The following COL2A1 variants were observed in gnomAD, a reference collection of about 807,000 sequenced individuals.
COL2A1 encodes the protein collagen type II alpha 1 chain.
COL2A1 carries 28 observed loss-of-function variants against 204.5 expected under a neutral mutation model. The observed-to-expected ratio is 0.14, with a 90% confidence interval of 0.10 to 0.19. The LOEUF is 0.19. Among genes scored for constraint, COL2A1 ranks in the 10% least tolerant of loss-of-function variants. The pLI, the probability that COL2A1 is intolerant of heterozygous loss-of-function variation, is 1.00. For missense variants in COL2A1, 1,388 were observed against 2,027.5 expected (o/e 0.68, Z 6.06); for synonymous variants, 708 against 718.7 (o/e 0.99, Z 0.24).
chr12:48,004,282 T>C lies in COL2A1; in HGVS notation c.40A>G (p.Thr14Ala). The change falls in exon 1 of 54, where the codon ACG becomes GCG. Residue 14 changes from threonine to alanine, a missense_variant. By Grantham distance (58) the Thr-to-Ala change is moderately conservative. Around this residue, in one of 3 missense-constraint regions of COL2A1, gnomAD observed 201 missense variants for 242.4 expected, o/e 0.83. Transcript: ENST00000380518. Reference protein sequence around the residue: ...LGAPQTLVLLTLLVAAVLRCQ... With the variant: ...LGAPQTLVLLALLVAAVLRCQ... ...CGAAGGACAGCGGCGACGAGCAGCG[T>C]CAGCAGCACCAGCGTCTGGGGAGCC... The C allele has an allele frequency of 6.5e-7, 1 of 1,550,336 alleles. No homozygotes were observed. The highest frequency in any genetic ancestry group is 8.7e-7 in the Non-Finnish European group (1 of 1,146,492).
At chr12:47,977,984 C>G in intron 44 of COL2A1, 26 bp downstream of exon 44, 1 of 1,601,122 alleles carries the variant, frequency 6.2e-7, no homozygotes, top group South Asian at 1.1e-5. Context: ...CCAATCAGGG[C>G]CACCCCAGGG....
intron 11 of COL2A1, 70 bp from the exon 12 acceptor site, chr12:47,994,547 G>A: frequency 3.2e-6 from 5 of 1,539,692 alleles, no homozygotes; most frequent in Non-Finnish European, 4.5e-6. Flanking sequence ...ACCCCAGAGG[G>A]CTTCCCTCCT....
At chr12:47,997,735 T>C (rs1403210467) in intron 6 of COL2A1, 28 bp from the exon 7 acceptor site, 1 of 1,614,058 alleles carries the variant, frequency 6.2e-7, no homozygotes, top group Non-Finnish European at 8.5e-7. Context: ...AAGGCATCAA[T>C]GGGAAGCAGT....
At chr12:47,995,601 G>T in intron 10 of COL2A1, 109 bp downstream of exon 10, 1 of 1,160,522 alleles carries the variant, frequency 8.6e-7, no homozygotes, top group South Asian at 1.2e-5. Flanking sequence ...TGGGGCCACC[G>T]ACTGTGGGAA....
At position 47,995,305 on chromosome 12, in the gene COL2A1, G is replaced by A; in HGVS notation, c.712C>T (p.Pro238Ser). 1.2e-6 allele frequency: 2 copies of A among 1,613,378 alleles called. No individual in the cohort carries two copies. The highest frequency in any genetic ancestry group is 2.2e-5 in the South Asian group (2 of 91,050). Residue 238 changes from proline to serine, a missense_variant, in exon 11 of 54, where the codon CCC (proline) becomes TCC (serine). Pro to Ser is a moderately conservative substitution (Grantham distance 74). Around this residue, in one of 3 missense-constraint regions of COL2A1, gnomAD observed 884 missense variants for 1,415.8 expected, o/e 0.62. Coordinates refer to ENST00000380518, the MANE Select transcript of COL2A1 (RefSeq NM_001844.5). ...GEPGEPGVSG[P>S]MGPRGPPGPP... ...CCAGGAGGACCACGGGGACCCATGG[G>A]ACCCTACAAACAAAGGAAGATAGTT...
At chr12:47,981,991 C>T (rs554798783) in intron 35 of COL2A1, 116 bp downstream of exon 35, 243 of 1,318,296 alleles carry the variant, frequency 1.8e-4, no homozygotes, top group Non-Finnish European at 2.5e-4. Flanking sequence ...TGCCCAGCCC[C>T]GACAGAGACA....
chr12:47,986,052 A>C, intron 23 of COL2A1, 87 bp from the exon 24 acceptor site: 1 of 1,299,320 alleles, frequency 7.7e-7, no homozygotes, highest in Non-Finnish European at 1.1e-6. Flanking sequence ...TAACCCACCA[A>C]CCCCAATTTC....
chr12:47,973,403 G>C lies in COL2A1; in HGVS notation c.*4C>G, dbSNP rs41272773. ...CGGATTGTGTTGTTTCTGGGTTCAGGTTTTTACAAGAAGCAGACCGGCCCT... is the reference window on the plus strand; with the variant it reads ...CGGATTGTGTTGTTTCTGGGTTCAGCTTTTTACAAGAAGCAGACCGGCCCT... On this transcript the variant is annotated 3_prime_UTR_variant, in exon 54 of 54. Transcript: ENST00000380518. The C allele has an allele frequency of 6.2e-7, 1 of 1,614,062 alleles. No individual in the cohort carries two copies. The highest frequency in any genetic ancestry group is 8.5e-7 in the Non-Finnish European group (1 of 1,180,024).
intron 16 of COL2A1, 110 bp from the exon 17 acceptor site, chr12:47,989,915 A>G: frequency 9.5e-7 from 1 of 1,053,844 alleles, no homozygotes; most frequent in Non-Finnish European, 1.5e-6. Flanking sequence ...GGGGTGTCCC[A>G]GGGCAGAGCA....
In COL2A1 at chr12:47,978,786, GACTCATCTCACC is replaced by G; in HGVS notation, c.2734-40_2734-29del. ...AGAAGGAGAAAATGCGGGAAGTGAG[GACTCATCTCACC>G]CTTCCTCATCCAGGCTGCCAAAGTC... On this transcript the variant is annotated intron_variant, in intron 41 of 53. Transcript: ENST00000380518. This position sits in a 1 kb window ranked among gnomAD's most constrained non-coding sequence, Gnocchi z 5.5. 6.2e-7 allele frequency: 1 copy of G among 1,608,574 alleles called. No individual in the cohort carries two copies. The highest frequency in any genetic ancestry group is 8.5e-7 in the Non-Finnish European group (1 of 1,179,312).
chr12:47,973,054 G>A lies in COL2A1; in HGVS notation c.*353C>T, dbSNP rs1938512797. 2 of 587,804 alleles carry A rather than the reference G, an allele frequency of 3.4e-6. No homozygotes were observed. Among genetic ancestry groups the A allele is most frequent in the East Asian group, 2.8e-5 (1 of 36,248 alleles). 36.4% of individuals were successfully genotyped at this position (587,804 alleles called of 1,614,324 possible). A position where few individuals can be genotyped will look rare whatever the true frequency, so the allele number is the denominator to read the frequency against. ...TGACACAGAATAGCACCATTGTGTA[G>A]GACACACACAGTTCCTGCGCCCGGC... On this transcript the variant is annotated 3_prime_UTR_variant, in exon 54 of 54. Transcript: ENST00000380518.
rs1555167309 is a variant in COL2A1, at chr12:47,986,547, C to CT, written c.1420-105dup. 2,001 of 667,308 alleles carry CT rather than the reference C, an allele frequency of 3.0e-3. 24 individuals are homozygous for CT. In the African/African-American group the frequency reaches 0.031, roughly 10 times the overall value. The allele number at this position is 667,308 out of a possible 1,614,324, so 41.3% of individuals were successfully genotyped here. On this transcript the variant is annotated intron_variant, in intron 22 of 53. Transcript: ENST00000380518. ...AGTAGCCTTGGCAACTGTTTCAGGG[C>CT]TGGGGGGGGGCTTGAGGACGAGAGG... is the stretch of plus-strand genomic sequence containing the variant.
intron 16 of COL2A1, among the ~76,000 whole-genome samples, chr12:47,992,404 C>T (rs964610727): frequency 6.6e-6 from 1 of 152,158 alleles, no homozygotes; most frequent in Non-Finnish European, 1.5e-5. Context: ...GGGTATTAAA[C>T]ACAGGAAGTG....
At chr12:48,001,587 G>A (rs1464408128) in intron 1 of COL2A1, among the ~76,000 whole-genome samples, 2 of 152,166 alleles carry the variant, frequency 1.3e-5, no homozygotes, top group Non-Finnish European at 2.9e-5. Flanking sequence ...GCCACTCCCC[G>A]TGCGGATCAG....
chr12:47,998,025 C>T lies in COL2A1; in HGVS notation c.375+7G>A. ...GGGACGGAGAAAGAGATTTCTCCCT[C>T]TCTTACCTGAGGCCCAGGAGGTCCT... On this transcript the variant is annotated splice_region_variant and intron_variant, in intron 5 of 53. Transcript: ENST00000380518. 1.2e-6 allele frequency: 2 copies of T among 1,614,212 alleles called. No individual in the cohort carries two copies. The highest frequency in any genetic ancestry group is 2.2e-5 in the South Asian group (2 of 91,088).
chr12:47,979,393 G>C (rs114766194), intron 41 of COL2A1, 118 bp downstream of exon 41: 1 of 1,054,828 alleles, frequency 9.5e-7, no homozygotes. Context: ...ACTCCTCCAG[G>C]GGGCAGGAAC....
rs1939493178 is a variant in COL2A1 at position 47,987,546 on chromosome 12, CAG to C, written c.1221+63_1221+64del. 2 of 1,403,648 alleles carry C rather than the reference CAG, an allele frequency of 1.4e-6. No homozygotes were observed. 86.9% of individuals were successfully genotyped at this position (1,403,648 alleles called of 1,614,324 possible). On this transcript the variant is annotated intron_variant, in intron 19 of 53. Coordinates refer to ENST00000380518, the MANE Select transcript of COL2A1 (RefSeq NM_001844.5). The surrounding 1 kb of genome is among the most constrained non-coding windows in gnomAD (Gnocchi z 4.1). ...AGCCCACAACTGTCAGAGCAAAGTACAGAGTCAAGAGTTCCAAAGCCACAGAC... is the reference window on the plus strand; with the variant it reads ...AGCCCACAACTGTCAGAGCAAAGTACAGTCAAGAGTTCCAAAGCCACAGAC...
chr12:47,989,316 T>C, intron 17 of COL2A1, 35 bp from the exon 18 acceptor site: 1 of 1,595,160 alleles, frequency 6.3e-7, no homozygotes, highest in South Asian at 1.1e-5. Flanking sequence ...GAGAGGTGAA[T>C]GCCAGTTCTG....
intron 8 of COL2A1, among the ~76,000 whole-genome samples, 193 bp downstream of exon 8, chr12:47,996,355 G>A (rs1285646632): frequency 2.0e-5 from 3 of 152,186 alleles, no homozygotes; most frequent in African/African-American, 7.2e-5. Context: ...AGTCACTCCA[G>A]CGCATCATTA....
Sources: allele counts gnomAD v4.1 joint callset (sites outside exome capture counted in the v4.1 genomes callset), GRCh38; gene constraint gnomAD v4.1.1; regional missense constraint gnomAD v4.1.1; non-coding constraint Gnocchi (gnomAD v3.1); transcripts MANE v1.5; gene names NCBI Gene and HGNC (gene_info 2026-07-23, HGNC 2026-07-21).